Variants in MYOF observed in about 807,000 individuals in gnomAD.
MYOF encodes the protein fer-1-like 3, myoferlin.
MYOF carries 244 observed loss-of-function variants against 284.2 expected under a neutral mutation model. The ratio of observed to expected loss-of-function variants is 0.86; its 90% CI spans 0.77 to 0.95. The LOEUF is 0.95. MYOF is among the 40% of genes least tolerant of loss of function. The pLI is 0.00. For missense variants in MYOF, 2,496 were observed against 2,560.6 expected, an observed-to-expected ratio of 0.97 and a Z score of 0.54; for synonymous variants, 904 against 919.7, an observed-to-expected ratio of 0.98 and a Z score of 0.31.
At chr10:93,393,662 C>T (rs539135751) in intron 16 of MYOF, among the ~76,000 whole-genome samples, 3 of 152,314 alleles carry the variant, frequency 2.0e-5, no homozygotes, top group Admixed American at 6.5e-5. Context: ...ACCCTCCCCC[C>T]ATATAGTTCC....
At chr10:93,372,508 G>A (rs1845639108) in intron 24 of MYOF, among the ~76,000 whole-genome samples, 1 of 152,046 alleles carries the variant, frequency 6.6e-6, no homozygotes, top group African/African-American at 2.4e-5. Context: ...AATTTGATTG[G>A]TTCATCAAAT....
intron 6 of MYOF, 138 bp from the exon 7 acceptor site, chr10:93,409,053 C>CTA: frequency 7.5e-7 from 1 of 1,337,108 alleles, no homozygotes; most frequent in Middle Eastern, 2.7e-4. Flanking sequence ...ATACCAGGTG[C>CTA]TACCAATTGG....
chr10:93,426,581 T>A (rs995362900), intron 4 of MYOF, among the ~76,000 whole-genome samples: 1 of 152,232 alleles, frequency 6.6e-6, no homozygotes, highest in Non-Finnish European at 1.5e-5. Context: ...TTTATTTTCA[T>A]GCTTCTTTTT....
rs748488289 is a variant in MYOF at position 93,397,231 on chromosome 10, C to T, written c.1334+16G>A. 99 of 1,550,554 alleles carry T rather than the reference C, an allele frequency of 6.4e-5. No individual in the cohort carries two copies. The highest frequency in any genetic ancestry group is 2.3e-4 in the Middle Eastern group (1 of 4,332). ...TATTTTATGTTGAATTAGACACATA[C>T]GTATTTTCAACTCACCAGTCATATA... On this transcript the variant is annotated intron_variant, in intron 15 of 53. Transcript: ENST00000359263.
intron 46 of MYOF, among the ~76,000 whole-genome samples, chr10:93,325,328 T>C (rs975313039): frequency 1.3e-5 from 2 of 152,206 alleles, no homozygotes; most frequent in Non-Finnish European, 2.9e-5. Context: ...GCCTCCCTGA[T>C]ACTGTAGTCT....
intron 44 of MYOF, 69 bp downstream of exon 44, chr10:93,329,595 G>C (rs1410519506): frequency 3.8e-5 from 58 of 1,542,470 alleles, no homozygotes; most frequent in Non-Finnish European, 4.2e-5. Context: ...TAAGGTAGAG[G>C]GCCTAGGCCT....
intron 51 of MYOF, among the ~76,000 whole-genome samples, chr10:93,311,626 T>C (rs939673121): frequency 6.6e-6 from 1 of 150,696 alleles, no homozygotes; most frequent in East Asian, 1.9e-4. Context: ...TGCCCACTTT[T>C]ATAGTGAGCC....
chr10:93,307,050 T>G (rs371248734), intron 53 of MYOF, 49 bp from the exon 54 acceptor site: 89 of 1,516,490 alleles, frequency 5.9e-5, no homozygotes, highest in Non-Finnish European at 7.9e-5. Context: ...TGTATATATG[T>G]TTTTCAGTTA....
rs1463858671 is a variant in MYOF, at chr10:93,322,767, A to C, written c.5456+311T>G. 2.6e-5 allele frequency among the ~76,000 whole-genome samples: 4 copies of C among 152,336 alleles called. No homozygotes were observed. In the East Asian group the frequency reaches 7.7e-4, roughly 29 times the overall value. On this transcript the variant is annotated intron_variant, in intron 48 of 53. Transcript: ENST00000359263. Reference sequence around the variant, plus strand: ...TCAAAGAGGAATAAAAAGAAACTACATGGCTAAAACGTCCCAGAAATAATA... The same window carrying C: ...TCAAAGAGGAATAAAAAGAAACTACCTGGCTAAAACGTCCCAGAAATAATA...
intron 1 of MYOF, among the ~76,000 whole-genome samples, chr10:93,475,584 G>T (rs1011640757): frequency 1.3e-5 from 2 of 152,210 alleles, no homozygotes; most frequent in African/African-American, 4.8e-5. Flanking sequence ...CAAGGACTTT[G>T]TCACATTAAG....
In MYOF at chr10:93,355,729, TCTGCCCC is replaced by T; in HGVS notation, c.3295_3301del (p.Gly1099ThrfsTer54). On this transcript the variant is annotated frameshift_variant and splice_region_variant, in exon 31 of 54. Coordinates refer to ENST00000359263, the MANE Select transcript of MYOF (RefSeq NM_013451.4). LOFTEE classifies it high-confidence loss of function. ...CTTCTCATCCCCATCTTCGGTAGTG[TCTGCCCC>T]CTGAAGTCAATTAACAGAGTCAATT... 6.2e-7 allele frequency: 1 copy of T among 1,612,214 alleles called. No individual in the cohort carries two copies.
intron 25 of MYOF, among the ~76,000 whole-genome samples, chr10:93,368,825 A>C (rs1216213242): frequency 6.6e-6 from 1 of 152,216 alleles, no homozygotes; most frequent in Non-Finnish European, 1.5e-5. Flanking sequence ...AAATGATGAC[A>C]GTCTTCACCT....
At chr10:93,413,411 T>C in intron 5 of MYOF, among the ~76,000 whole-genome samples, 1 of 152,076 alleles carries the variant, frequency 6.6e-6, no homozygotes, top group Non-Finnish European at 1.5e-5. Flanking sequence ...ATGCTATGGG[T>C]TCCACAAAGA....
At chr10:93,313,282 C>G in intron 50 of MYOF, 72 bp from the exon 51 acceptor site, 1 of 1,440,300 alleles carries the variant, frequency 6.9e-7, no homozygotes, top group Non-Finnish European at 9.5e-7. Context: ...GTGAACAGAA[C>G]GTTCTTATCA....
chr10:93,442,856 T>C (rs950724690), intron 3 of MYOF, among the ~76,000 whole-genome samples: 1 of 152,184 alleles, frequency 6.6e-6, no homozygotes, highest in Non-Finnish European at 1.5e-5. Flanking sequence ...CTTGAATCTA[T>C]AGAATAGAAT....
intron 5 of MYOF, among the ~76,000 whole-genome samples, chr10:93,411,310 C>T (rs1280765721): frequency 6.6e-6 from 1 of 152,202 alleles, no homozygotes; most frequent in East Asian, 1.9e-4. Flanking sequence ...TGAGGGCCCA[C>T]TTCTTGGTTT....
chr10:93,427,202 C>A (rs368501841), intron 4 of MYOF, among the ~76,000 whole-genome samples: 118 of 95,274 alleles, frequency 1.2e-3, no homozygotes, highest in African/African-American at 4.7e-3. Flanking sequence ...TGTCTTAAAA[C>A]AAAACAAAAC....
At chr10:93,451,260 A>G (rs1383368484) in intron 3 of MYOF, among the ~76,000 whole-genome samples, 1 of 152,106 alleles carries the variant, frequency 6.6e-6, no homozygotes, top group Non-Finnish European at 1.5e-5. Flanking sequence ...GAATTGCTTG[A>G]ACCTGGGAGG....
rs763112979 is a variant in MYOF at position 93,374,856 on chromosome 10, C to T, written c.2208G>A (p.Ala736=). The T allele has an allele frequency of 9.3e-6, 15 of 1,614,018 alleles. No homozygotes were observed. Among genetic ancestry groups the T allele is most frequent in the South Asian group, 5.5e-5 (5 of 91,082 alleles). ...TGGCTTCCGACCTCATCCTCACAGC[C>T]GCCTCATGTATTTGGGAGAGAGACC... The part of the protein sequence containing the change: ...RSRSLSQIHE[A]AVRMRSEATD... Residue 736 remains alanine, a synonymous_variant, in exon 23 of 54, where the codon GCG becomes GCA. Coordinates refer to ENST00000359263, the MANE Select transcript of MYOF (RefSeq NM_013451.4).
Sources: gnomAD v4.1 joint callset for allele counts (sites outside exome capture counted in the v4.1 genomes callset) on GRCh38, gnomAD v4.1.1 for gene constraint, MANE v1.5 for transcripts, NCBI Gene and HGNC (gene_info 2026-07-23, HGNC 2026-07-21) for gene names.